The following COPG2 variants were observed in gnomAD, a reference collection of about 807,000 sequenced individuals.
COPG2 encodes the protein coatomer subunit gamma-2.
In COPG2, 37 loss-of-function variants were observed where a neutral mutation model predicts 46.3. That is an observed-to-expected ratio of 0.80 (90% confidence interval 0.61 to 1.05). COPG2 has a LOEUF of 1.05. COPG2 is among the 50% of genes least tolerant of loss of function. The pLI is 0.00. For synonymous variants in COPG2, 159 were observed against 129.7 expected, an observed-to-expected ratio of 1.23 and a Z score of -1.53; for missense variants, 427 against 387.8, an observed-to-expected ratio of 1.10 and a Z score of -0.85.
intron 9 of COPG2, among the ~76,000 whole-genome samples, chr7:130,575,546 A>C (rs1334796463): frequency 6.6e-6 from 1 of 152,188 alleles, no homozygotes; most frequent in East Asian, 1.9e-4. Context: ...AAGGACTACT[A>C]AAAGGAGCCC....
chr7:130,563,021 A>G (rs1793741639), intron 11 of COPG2, among the ~76,000 whole-genome samples: 1 of 152,220 alleles, frequency 6.6e-6, no homozygotes, highest in African/African-American at 2.4e-5. Flanking sequence ...ACTGGTGGCT[A>G]ATGGCCACCA....
chr7:130,666,518 A>G (rs1244770563), intron 3 of COPG2, among the ~76,000 whole-genome samples: 1 of 152,200 alleles, frequency 6.6e-6, no homozygotes, highest in African/African-American at 2.4e-5. Context: ...TATAACACTC[A>G]GTGGAGACAC....
chr7:130,578,262 T>C (rs1294232755), intron 9 of COPG2, among the ~76,000 whole-genome samples: 8 of 149,734 alleles, frequency 5.3e-5, no homozygotes, highest in Non-Finnish European at 7.4e-5. Flanking sequence ...CAGCAGGGTA[T>C]TCCAACAGAC....
intron 9 of COPG2, chr7:130,605,185 C>T: frequency 3.8e-6 from 2 of 519,858 alleles, no homozygotes; most frequent in South Asian, 2.8e-5. Context: ...CTACTTTCTC[C>T]TGCTCTATCT....
intron 4 of COPG2, among the ~76,000 whole-genome samples, chr7:130,662,485 T>A (rs1396151654): frequency 6.6e-6 from 1 of 152,204 alleles, no homozygotes; most frequent in Non-Finnish European, 1.5e-5. Context: ...GCAGCAGCTG[T>A]ATGTTCTGAA....
At chr7:130,570,848 T>C (rs1397991660) in intron 9 of COPG2, among the ~76,000 whole-genome samples, 1 of 152,084 alleles carries the variant, frequency 6.6e-6, no homozygotes, top group African/African-American at 2.4e-5. Context: ...GGTATAAAAA[T>C]AGGCAAAGAG....
chr7:130,542,385 C>CAG (rs1204369651), intron 20 of COPG2, among the ~76,000 whole-genome samples: 1 of 151,874 alleles, frequency 6.6e-6, no homozygotes, highest in Non-Finnish European at 1.5e-5. Flanking sequence ...GAGGACACAA[C>CAG]AGAGAGAGGA....
chr7:130,659,782 C>T (rs892216091), intron 4 of COPG2, among the ~76,000 whole-genome samples: 2 of 151,588 alleles, frequency 1.3e-5, no homozygotes, highest in African/African-American at 2.4e-5. Context: ...CATGGTGGCA[C>T]GTGCCCACAG....
chr7:130,594,068 ACTC>A (rs1794480690), intron 9 of COPG2, among the ~76,000 whole-genome samples: 1 of 152,264 alleles, frequency 6.6e-6, no homozygotes, highest in Middle Eastern at 3.4e-3. Context: ...GACATAAAGA[ACTC>A]CTAGAAAATC....
chr7:130,617,708 T>C (rs1358062459), intron 5 of COPG2, among the ~76,000 whole-genome samples: 1 of 152,172 alleles, frequency 6.6e-6, no homozygotes, highest in Non-Finnish European at 1.5e-5. Context: ...CCTCAACTCC[T>C]CTCACATAAT....
intron 9 of COPG2, among the ~76,000 whole-genome samples, chr7:130,574,652 C>G (rs966268964): frequency 6.6e-6 from 1 of 151,892 alleles, no homozygotes; most frequent in African/African-American, 2.4e-5. Flanking sequence ...CACCTCCCCC[C>G]CCAAAAAAAT....
At chr7:130,657,191 A>T (rs1795874886) in intron 4 of COPG2, among the ~76,000 whole-genome samples, 1 of 152,048 alleles carries the variant, frequency 6.6e-6, no homozygotes, top group Non-Finnish European at 1.5e-5. Flanking sequence ...ATAATGTGCC[A>T]ACGTGCCAAT....
At chr7:130,640,496 T>C (rs1292324547) in intron 5 of COPG2, among the ~76,000 whole-genome samples, 1 of 152,058 alleles carries the variant, frequency 6.6e-6, no homozygotes, top group Non-Finnish European at 1.5e-5. Flanking sequence ...GTAGCTTTAT[T>C]TCATCTTGGC....
intron 9 of COPG2, among the ~76,000 whole-genome samples, chr7:130,606,044 T>C (rs907842413): frequency 1.3e-5 from 2 of 152,082 alleles, no homozygotes; most frequent in African/African-American, 4.8e-5. Flanking sequence ...AAGAGACTTA[T>C]AAGAAATCTG....
intron 5 of COPG2, among the ~76,000 whole-genome samples, chr7:130,646,702 G>A (rs13438003): frequency 7.2e-5 from 11 of 151,888 alleles, no homozygotes; most frequent in African/African-American, 2.7e-4. Context: ...CTCCCATGCT[G>A]TTTTTGTGAT....
intron 12 of COPG2, among the ~76,000 whole-genome samples, chr7:130,557,623 G>A (rs1413693375): frequency 3.3e-5 from 5 of 151,698 alleles, no homozygotes; most frequent in Middle Eastern, 3.4e-3. Flanking sequence ...CCTGGCCAAC[G>A]TGGTGAAACC....
chr7:130,642,602 T>C (rs576506537), intron 5 of COPG2, among the ~76,000 whole-genome samples: 3 of 152,360 alleles, frequency 2.0e-5, no homozygotes, highest in African/African-American at 7.2e-5. Context: ...TGCTGAGTAA[T>C]AGTCTATTGC....
intron 9 of COPG2, chr7:130,608,286 C>T (rs1284433571): frequency 1.2e-5 from 5 of 414,384 alleles, no homozygotes; most frequent in Non-Finnish European, 2.4e-5. Flanking sequence ...TATTTCACTT[C>T]TACATATATA....
chr7:130,605,089 A>T, intron 9 of COPG2: 1 of 452,848 alleles, frequency 2.2e-6, no homozygotes, highest in Non-Finnish European at 4.3e-6. Context: ...CCAATTACAT[A>T]TGTGTTAGGC....
Sources: allele counts gnomAD v4.1 joint callset (sites outside exome capture counted in the v4.1 genomes callset), GRCh38; gene constraint gnomAD v4.1.1; transcripts MANE v1.5; gene names NCBI Gene and HGNC (gene_info 2026-07-23, HGNC 2026-07-21).